ALK: variants seen among roughly 807,000 people sequenced by gnomAD.
The protein encoded by ALK is ALK tyrosine kinase receptor.
ALK carries 74 observed loss-of-function variants against 163.1 expected under a neutral mutation model. The observed-to-expected ratio is 0.45, with a 90% CI of 0.38 to 0.55. The LOEUF is 0.55. Ranked by LOEUF, ALK falls within the 20% of genes least tolerant of loss-of-function variation. The pLI is 0.00. For synonymous variants in ALK, 960 were observed against 843.2 expected, an observed-to-expected ratio of 1.14 and a Z score of -2.40; for missense variants, 2,063 against 2,105.3, an observed-to-expected ratio of 0.98 and a Z score of 0.39.
intron 5 of ALK, among the ~76,000 whole-genome samples, chr2:29,379,544 T>C (rs1027923489): frequency 1.4e-4 from 22 of 152,176 alleles, no homozygotes; most frequent in Admixed American, 6.5e-5. Context: ...TAAATTTAGA[T>C]GTAGAGTATA....
intron 1 of ALK, among the ~76,000 whole-genome samples, chr2:29,858,058 CA>C (rs1666189022): frequency 1.7e-5 from 1 of 57,738 alleles, no homozygotes; most frequent in Non-Finnish European, 4.3e-5. Context: ...TGTGTGTGTG[CA>C]TGTGTGTGTG....
At chr2:29,763,076 G>C (rs542751986) in intron 1 of ALK, among the ~76,000 whole-genome samples, 2 of 132,846 alleles carry the variant, frequency 1.5e-5, no homozygotes, top group Admixed American at 8.6e-5. Flanking sequence ...GACAGAGTGA[G>C]ACTCCATCTC....
chr2:29,316,120 C>T lies in ALK; in HGVS notation c.1647+2184G>A, dbSNP rs532620813. On this transcript the variant is annotated intron_variant, in intron 8 of 28. Coordinates refer to ENST00000389048, the MANE Select transcript of ALK (RefSeq NM_004304.5). The stretch of plus-strand genomic sequence containing the variant: ...CGCCCGGGAGGAGGAAATCAACTTC[C>T]TGCATTCTGCATTTAGGATTCACAT... Among the ~76,000 whole-genome samples, 8 of 152,264 alleles carry T rather than the reference C, an allele frequency of 5.3e-5. No individual in the cohort carries two copies. In the South Asian group the frequency reaches 1.7e-3, roughly 32 times the overall value.
chr2:29,239,941 G>T (rs898851156), intron 12 of ALK, 111 bp from the exon 13 acceptor site: 45 of 1,302,174 alleles, frequency 3.5e-5, no homozygotes, highest in South Asian at 2.8e-5. Context: ...TGGTCTGAGG[G>T]TTCTCCCCCA....
chr2:29,607,678 C>T (rs1675575660), intron 3 of ALK, among the ~76,000 whole-genome samples: 1 of 152,132 alleles, frequency 6.6e-6, no homozygotes, highest in Non-Finnish European at 1.5e-5. Flanking sequence ...TTCTGGGACC[C>T]CACTCTCTCA....
At chr2:29,754,848 T>C (rs1424721977) in intron 1 of ALK, among the ~76,000 whole-genome samples, 1 of 152,200 alleles carries the variant, frequency 6.6e-6, no homozygotes, top group African/African-American at 2.4e-5. Context: ...AATGAGTTTC[T>C]ATTTTTCTAC....
At chr2:29,357,937 C>T (rs1668291618) in intron 5 of ALK, among the ~76,000 whole-genome samples, 1 of 152,230 alleles carries the variant, frequency 6.6e-6, no homozygotes, top group African/African-American at 2.4e-5. Context: ...TAAAATCTCC[C>T]TGTGTACTAA....
Position 29,878,609 on chromosome 2 carries a change from C to T in ALK, c.667+41384G>A, listed in dbSNP as rs79058508. ...TCAGACCTGGATGTTACTAGTAGGTCGAGGTCACTATTGGGGCTTAGAAAT... is the reference window on the plus strand; with the variant it reads ...TCAGACCTGGATGTTACTAGTAGGTTGAGGTCACTATTGGGGCTTAGAAAT... On this transcript the variant is annotated intron_variant, in intron 1 of 28. Transcript: ENST00000389048. 8.0e-3 allele frequency among the ~76,000 whole-genome samples: 1,213 copies of T among 152,254 alleles called. 18 individuals are homozygous for T. Among genetic ancestry groups the T allele is most frequent in the African/African-American group, 0.027 (1,108 of 41,546 alleles).
chr2:29,633,655 C>A (rs1002558800), intron 3 of ALK, among the ~76,000 whole-genome samples: 3 of 151,672 alleles, frequency 2.0e-5, no homozygotes, highest in Non-Finnish European at 4.4e-5. Flanking sequence ...AAGATCAATA[C>A]AATTAACATA....
intron 3 of ALK, among the ~76,000 whole-genome samples, chr2:29,547,173 G>A (rs760081299): frequency 1.3e-5 from 2 of 152,140 alleles, no homozygotes; most frequent in Non-Finnish European, 1.5e-5. Flanking sequence ...TTCACTTCAG[G>A]TCTAAACTTC....
chr2:29,755,547 C>T (rs1248031298), intron 1 of ALK, among the ~76,000 whole-genome samples: 1 of 152,230 alleles, frequency 6.6e-6, no homozygotes, highest in African/African-American at 2.4e-5. Context: ...GGAATGGATT[C>T]CGCTGAGTAG....
chr2:29,236,202 C>T (rs375972659), intron 13 of ALK, among the ~76,000 whole-genome samples: 2 of 152,032 alleles, frequency 1.3e-5, no homozygotes, highest in African/African-American at 2.4e-5. Context: ...TGAGGCACCC[C>T]GCCTCCCTGG....
At chr2:29,533,821 AG>A (rs1673181102) in intron 3 of ALK, among the ~76,000 whole-genome samples, 1 of 152,164 alleles carries the variant, frequency 6.6e-6, no homozygotes, top group African/African-American at 2.4e-5. Context: ...GCACAAATAG[AG>A]GTCATAAAGT....
intron 1 of ALK, among the ~76,000 whole-genome samples, chr2:29,913,616 G>C (rs1021028627): frequency 1.3e-5 from 2 of 152,196 alleles, no homozygotes; most frequent in African/African-American, 4.8e-5. Flanking sequence ...AAGTAGAAAT[G>C]ATGTTCATGT....
chr2:29,469,761 A>G (rs1385985312), intron 4 of ALK, among the ~76,000 whole-genome samples: 1 of 152,178 alleles, frequency 6.6e-6, no homozygotes, highest in East Asian at 1.9e-4. Context: ...TCACAGCCCT[A>G]AATCATCAAA....
At position 29,362,790 on chromosome 2, in the gene ALK, C is replaced by T. The variant is rs149236597; in HGVS notation, c.1282+20942G>A. Among the ~76,000 whole-genome samples, 482 of 152,244 alleles carry T rather than the reference C, an allele frequency of 3.2e-3. 1 individual carries two copies. The highest frequency in any genetic ancestry group is 0.01 in the African/African-American group (429 of 41,544). On this transcript the variant is annotated intron_variant, in intron 5 of 28. Transcript: ENST00000389048. ...TAATTGCCTTCATATTTATATTGCC[C>T]GGCACCTAGTTTGATGCCAGCAAAT...
At chr2:29,653,244 C>T (rs1429967590) in intron 3 of ALK, among the ~76,000 whole-genome samples, 1 of 152,086 alleles carries the variant, frequency 6.6e-6, no homozygotes, top group Non-Finnish European at 1.5e-5. Context: ...AGCTGAGAAA[C>T]CCAATCTGTG....
At chr2:29,468,964 A>G (rs1240020316) in intron 4 of ALK, among the ~76,000 whole-genome samples, 2 of 152,022 alleles carry the variant, frequency 1.3e-5, no homozygotes, top group Non-Finnish European at 2.9e-5. Context: ...AACTTTTGCA[A>G]TCAGACTTTG....
At chr2:29,816,169 G>T (rs1260770301) in intron 1 of ALK, among the ~76,000 whole-genome samples, 1 of 152,186 alleles carries the variant, frequency 6.6e-6, no homozygotes. Flanking sequence ...TCTAGTTAAG[G>T]AAACAAAACA....
Sources: allele counts gnomAD v4.1 joint callset (sites outside exome capture counted in the v4.1 genomes callset), GRCh38; gene constraint gnomAD v4.1.1; transcripts MANE v1.5; gene names NCBI Gene and HGNC (gene_info 2026-07-23, HGNC 2026-07-21).